RBFOX1: variants seen among roughly 807,000 people sequenced by gnomAD.
RBFOX1 encodes RNA binding fox-1 homolog 1, also known as RNA binding protein fox-1 homolog 1.
RBFOX1 carries 8 observed loss-of-function variants against 57.7 expected under a neutral mutation model. That is an observed-to-expected ratio of 0.14 (90% CI 0.08 to 0.25). The LOEUF is 0.25. Ranked by LOEUF, RBFOX1 falls within the 10% of genes least tolerant of loss-of-function variation. The pLI, the probability that RBFOX1 is intolerant of heterozygous loss-of-function variation, is 1.00. For synonymous variants in RBFOX1, 326 were observed against 222.4 expected, an observed-to-expected ratio of 1.47 and a Z score of -4.15; for missense variants, 611 against 548.5, an observed-to-expected ratio of 1.11 and a Z score of -1.14.
intron 5 of RBFOX1, among the ~76,000 whole-genome samples, chr16:7,524,317 G>C (rs1420552133): frequency 2.0e-5 from 3 of 152,172 alleles, no homozygotes; most frequent in African/African-American, 4.8e-5. Context: ...AGACAGAAAA[G>C]ACTTACCAGG....
At chr16:7,172,099 C>T (rs2080817003) in intron 4 of RBFOX1, among the ~76,000 whole-genome samples, 1 of 152,150 alleles carries the variant, frequency 6.6e-6, no homozygotes, top group African/African-American at 2.4e-5. Context: ...ACGTTCTCAT[C>T]TGTAAAATGA....
chr16:7,482,148 T>C (rs2064123781), intron 4 of RBFOX1, among the ~76,000 whole-genome samples: 1 of 152,208 alleles, frequency 6.6e-6, no homozygotes, highest in Admixed American at 6.5e-5. Context: ...AATAATATTT[T>C]GTAGCATCTA....
intron 12 of RBFOX1, among the ~76,000 whole-genome samples, chr16:7,660,627 G>C (rs1321329787): frequency 6.6e-6 from 1 of 152,206 alleles, no homozygotes; most frequent in Non-Finnish European, 1.5e-5. Flanking sequence ...CAAATGTAAA[G>C]TAAAATAACA....
intron 4 of RBFOX1, among the ~76,000 whole-genome samples, chr16:7,418,542 A>G (rs904927879): frequency 2.0e-5 from 3 of 152,236 alleles, no homozygotes; most frequent in African/African-American, 4.8e-5. Context: ...TGATGCCATT[A>G]AAGTCTCTAC....
chr16:6,632,357 A>T (rs1427615897), intron 2 of RBFOX1, among the ~76,000 whole-genome samples: 1 of 152,142 alleles, frequency 6.6e-6, no homozygotes, highest in African/African-American at 2.4e-5. Flanking sequence ...AAAGGTCTGA[A>T]CTTGTTGGAG....
intron 4 of RBFOX1, among the ~76,000 whole-genome samples, chr16:5,962,970 C>T (rs1029003421): frequency 6.6e-6 from 1 of 151,970 alleles, no homozygotes. Flanking sequence ...AAGTAATTGC[C>T]TCCACTCTGG....
intron 3 of RBFOX1, among the ~76,000 whole-genome samples, chr16:6,936,788 C>T (rs548466677): frequency 1.6e-4 from 24 of 152,146 alleles, no homozygotes; most frequent in African/African-American, 5.5e-4. Flanking sequence ...ATTGTTGCCT[C>T]TTGAAAGCCT....
chr16:6,189,537 T>G (rs1190007932), intron 1 of RBFOX1, among the ~76,000 whole-genome samples: 1 of 152,188 alleles, frequency 6.6e-6, no homozygotes, highest in Non-Finnish European at 1.5e-5. Context: ...ATAGCTTAGG[T>G]GCGGGAGCAC....
At chr16:5,493,816 A>C (rs918745999) in intron 2 of RBFOX1, among the ~76,000 whole-genome samples, 1 of 152,196 alleles carries the variant, frequency 6.6e-6, no homozygotes, top group Non-Finnish European at 1.5e-5. Flanking sequence ...AGACTGATTA[A>C]ATCTTTCCTT....
chr16:5,987,728 A>C (rs909052775), intron 4 of RBFOX1, among the ~76,000 whole-genome samples: 1 of 152,152 alleles, frequency 6.6e-6, no homozygotes, highest in African/African-American at 2.4e-5. Flanking sequence ...TCTCTTTTTT[A>C]AAAGTTATGT....
intron 4 of RBFOX1, among the ~76,000 whole-genome samples, chr16:7,408,393 A>G (rs745779609): frequency 2.6e-5 from 4 of 152,198 alleles, no homozygotes; most frequent in Non-Finnish European, 5.9e-5. Flanking sequence ...AGCACAGTAA[A>G]CCATTCAAAA....
At chr16:7,185,870 A>G (rs1254602479) in intron 4 of RBFOX1, among the ~76,000 whole-genome samples, 2 of 152,168 alleles carry the variant, frequency 1.3e-5, no homozygotes, top group Non-Finnish European at 2.9e-5. Flanking sequence ...TTATCCCTAG[A>G]TAACAACAAA....
intron 3 of RBFOX1, among the ~76,000 whole-genome samples, chr16:6,676,276 C>T (rs912994982): frequency 1.3e-5 from 2 of 151,948 alleles, no homozygotes; most frequent in Non-Finnish European, 2.9e-5. Context: ...CTTCCATGAT[C>T]AGAAAGGTGT....
At chr16:7,203,231 G>C (rs1331783144) in intron 4 of RBFOX1, among the ~76,000 whole-genome samples, 4 of 152,184 alleles carry the variant, frequency 2.6e-5, no homozygotes. Flanking sequence ...AGAAAATTCT[G>C]ACGCATGCTT....
In RBFOX1 at chr16:5,242,516, C is replaced by T. The variant is rs1259061180; in HGVS notation, c.219+2411C>T. On this transcript the variant is annotated intron_variant, in intron 1 of 2. Coordinates refer to the RBFOX1 transcript ENST00000585867. Reference sequence around the variant, plus strand: ...ATGGGAATACTCTCTTTGAAGAACCCATGAAGCAGTGTCAGGCTGGTGTGA... The same window carrying T: ...ATGGGAATACTCTCTTTGAAGAACCTATGAAGCAGTGTCAGGCTGGTGTGA... Among the ~76,000 whole-genome samples the T allele has an allele frequency of 3.3e-5, 5 of 152,292 alleles. No homozygotes were observed. The East Asian group carries it at 9.7e-4, about 29-fold the overall frequency.
At chr16:6,641,306 C>T (rs941464114) in intron 2 of RBFOX1, among the ~76,000 whole-genome samples, 3 of 152,156 alleles carry the variant, frequency 2.0e-5, no homozygotes, top group Non-Finnish European at 4.4e-5. Flanking sequence ...CATTGTAACA[C>T]GGTTCAACCA....
At chr16:6,851,670 A>G (rs1029998610) in intron 3 of RBFOX1, among the ~76,000 whole-genome samples, 1 of 152,126 alleles carries the variant, frequency 6.6e-6, no homozygotes, top group Non-Finnish European at 1.5e-5. Context: ...TCTAGGGTCG[A>G]GAAGACATGG....
intron 4 of RBFOX1, among the ~76,000 whole-genome samples, chr16:7,083,903 C>T (rs969993364): frequency 6.6e-6 from 1 of 152,088 alleles, no homozygotes; most frequent in Admixed American, 6.5e-5. Flanking sequence ...GCTAGGAACC[C>T]TATCACTTAG....
At chr16:6,471,362 T>C (rs1418172140) in intron 2 of RBFOX1, among the ~76,000 whole-genome samples, 1 of 152,170 alleles carries the variant, frequency 6.6e-6, no homozygotes, top group Non-Finnish European at 1.5e-5. Context: ...TTTATTCCAT[T>C]CTGTCATCTA....
Sources: allele counts gnomAD v4.1 joint callset (sites outside exome capture counted in the v4.1 genomes callset), GRCh38; gene constraint gnomAD v4.1.1; transcripts MANE v1.5; gene names NCBI Gene and HGNC (gene_info 2026-07-23, HGNC 2026-07-21).